The following TRIP12 variants were observed in gnomAD, a reference collection of about 807,000 sequenced individuals.
TRIP12 encodes the protein E3 ubiquitin-protein ligase TRIP12.
In TRIP12, 25 loss-of-function variants were observed where a neutral mutation model predicts 244.2. The observed-to-expected ratio is 0.10, with a 90% CI of 0.07 to 0.14. TRIP12 has a LOEUF of 0.14. TRIP12 is among the 10% of genes least tolerant of loss of function. The pLI is 1.00. For missense variants in TRIP12, 1,677 were observed against 2,486.4 expected, an observed-to-expected ratio of 0.67 and a Z score of 6.92; for synonymous variants, 905 against 873.1, an observed-to-expected ratio of 1.04 and a Z score of -0.64.
At position 229,847,173 on chromosome 2, in the gene TRIP12, C is replaced by A. The variant is rs76956182; in HGVS notation, c.1028-6246G>T. On this transcript the variant is annotated intron_variant, in intron 4 of 41. Transcript: ENST00000675903. ...ATACTTAATTAGGGTACATCCATAT[C>A]TAGCCATTACGAATGATGTAATTTA... is the stretch of plus-strand genomic sequence containing the variant. Among the ~76,000 whole-genome samples the A allele has an allele frequency of 2.3e-3, 355 of 152,186 alleles. 1 individual carries two copies. The highest frequency in any genetic ancestry group is 7.9e-3 in the African/African-American group (329 of 41,516).
chr2:229,834,535 A>C (rs1478097600), intron 6 of TRIP12, among the ~76,000 whole-genome samples: 1 of 152,190 alleles, frequency 6.6e-6, no homozygotes, highest in East Asian at 1.9e-4. Context: ...CAAGGTGGGC[A>C]GATCACTTGA....
chr2:229,904,323 C>A (rs1166157931), intron 1 of TRIP12, among the ~76,000 whole-genome samples: 1 of 143,914 alleles, frequency 6.9e-6, no homozygotes, highest in African/African-American at 2.6e-5. Flanking sequence ...AAGGCTGAGG[C>A]AGGAGAATCG....
At chr2:229,818,300 G>A (rs904845946) in intron 9 of TRIP12, 64 bp downstream of exon 9, 1 of 1,522,202 alleles carries the variant, frequency 6.6e-7, no homozygotes, top group Admixed American at 1.8e-5. Context: ...CATACATTCA[G>A]TACAAAATCG....
Position 229,830,775 on chromosome 2 carries a change from G to T in TRIP12, c.1335C>A (p.Ser445=). The change falls in exon 7 of 42, where the codon TCC becomes TCA. Residue 445 remains serine, a synonymous_variant. Coordinates refer to ENST00000675903, the MANE Select transcript of TRIP12 (RefSeq NM_001348323.3). ...TTTTACCTTGCAAACGTCCCATCTC[G>T]GAATCATCTGATTCACTCTCCCCAG... is the stretch of plus-strand genomic sequence containing the variant. ...TTSGESESDD[S]EMGRLQALLE... is the part of the protein sequence containing the mutation. 6.2e-7 allele frequency: 1 copy of T among 1,613,942 alleles called. No homozygotes were observed. Among genetic ancestry groups the T allele is most frequent in the Non-Finnish European group, 8.5e-7 (1 of 1,179,938 alleles).
In TRIP12 at chr2:229,851,654, C is replaced by T. The variant is rs139309153; in HGVS notation, c.1027+7118G>A. ...TGCTTTTATGAGCTATAACACTCAC[C>T]GCGAAGATCTGCAGCTTCACTCCTG... is the stretch of plus-strand genomic sequence containing the variant. On this transcript the variant is annotated intron_variant, in intron 4 of 41. Coordinates refer to ENST00000675903, the MANE Select transcript of TRIP12 (RefSeq NM_001348323.3). 4.9e-4 allele frequency among the ~76,000 whole-genome samples: 74 copies of T among 152,268 alleles called. 1 individual carries two copies. In the South Asian group the frequency reaches 8.3e-3, roughly 17 times the overall value.
chr2:229,794,960 G>T, intron 26 of TRIP12: 1 of 383,008 alleles, frequency 2.6e-6, no homozygotes, highest in Non-Finnish European at 4.5e-6. Flanking sequence ...ACAATCACTG[G>T]ATTATATATT....
At chr2:229,842,009 T>C (rs2056534107) in intron 4 of TRIP12, among the ~76,000 whole-genome samples, 1 of 152,200 alleles carries the variant, frequency 6.6e-6, no homozygotes, top group African/African-American at 2.4e-5. Flanking sequence ...AGTTGCTAAG[T>C]GAAAAATCAA....
chr2:229,815,376 C>G, intron 9 of TRIP12, 68 bp from the exon 10 acceptor site: 1 of 925,294 alleles, frequency 1.1e-6, no homozygotes, highest in South Asian at 1.7e-5. Context: ...ATTTCTTCCT[C>G]TTCTATTTGA....
intron 1 of TRIP12, among the ~76,000 whole-genome samples, chr2:229,900,368 G>A (rs879847056): frequency 6.6e-6 from 1 of 152,140 alleles, no homozygotes; most frequent in African/African-American, 2.4e-5. Flanking sequence ...TCTAGTTAAC[G>A]AGATGTTTAA....
intron 1 of TRIP12, among the ~76,000 whole-genome samples, chr2:229,908,977 C>CT (rs2073654849): frequency 6.7e-6 from 1 of 149,364 alleles, no homozygotes; most frequent in South Asian, 2.1e-4. Context: ...GTGGTCCCAG[C>CT]TACTGAGGAG....
chr2:229,803,347 C>T (rs1575221139), intron 20 of TRIP12, among the ~76,000 whole-genome samples: 1 of 152,172 alleles, frequency 6.6e-6, no homozygotes, highest in Admixed American at 6.5e-5. Flanking sequence ...CTCCTGACCT[C>T]AAGTGATCCA....
chr2:229,909,733 G>C (rs775182429), intron 1 of TRIP12, among the ~76,000 whole-genome samples: 24 of 151,872 alleles, frequency 1.6e-4, no homozygotes, highest in Non-Finnish European at 3.2e-4. Flanking sequence ...TGAGCCTGTA[G>C]TCTCAGCTAC....
intron 39 of TRIP12, 65 bp from the exon 40 acceptor site, chr2:229,769,390 A>G: frequency 6.7e-7 from 1 of 1,486,776 alleles, no homozygotes; most frequent in Non-Finnish European, 9.4e-7. Flanking sequence ...AGTGAAAATA[A>G]AGGTCTACGT....
chr2:229,797,676 A>G lies in TRIP12; in HGVS notation c.3624+14T>C. ...AGACTGAAAAAGACCAGCAAAATGCACTGGACACAGCACCTGGAGGTTGAG... is the reference window on the plus strand; with the variant it reads ...AGACTGAAAAAGACCAGCAAAATGCGCTGGACACAGCACCTGGAGGTTGAG... On this transcript the variant is annotated intron_variant, in intron 24 of 41. Transcript: ENST00000675903. 1 of 1,612,154 alleles carries G rather than the reference A, an allele frequency of 6.2e-7. No homozygotes were observed. The highest frequency in any genetic ancestry group is 8.5e-7 in the Non-Finnish European group (1 of 1,179,204).
Position 229,767,388 on chromosome 2 carries a change from G to C in TRIP12, c.*166C>G. ...AGGGCCTGATCACTTTAAGTCCATG[G>C]GGCCATTAATGAATATCAACCAAAT... On this transcript the variant is annotated 3_prime_UTR_variant, in exon 42 of 42. Transcript: ENST00000675903. 1.4e-6 allele frequency: 1 copy of C among 690,606 alleles called. No homozygotes were observed. The highest frequency in any genetic ancestry group is 2.2e-6 in the Non-Finnish European group (1 of 459,708). The allele number at this position is 690,606 out of a possible 1,614,324, so 42.8% of individuals were successfully genotyped here. A position where few individuals can be genotyped will look rare whatever the true frequency, so the allele number is the denominator to read the frequency against.
intron 37 of TRIP12, among the ~76,000 whole-genome samples, chr2:229,774,879 C>T (rs1312620026): frequency 6.6e-6 from 1 of 150,902 alleles, no homozygotes; most frequent in Non-Finnish European, 1.5e-5. Context: ...GCAAGCAATA[C>T]TTTATAAGAC....
chr2:229,917,616 T>C (rs1389303087), intron 1 of TRIP12, among the ~76,000 whole-genome samples: 1 of 151,946 alleles, frequency 6.6e-6, no homozygotes, highest in African/African-American at 2.4e-5. Flanking sequence ...TGACAGTTGA[T>C]ATCCATCCAG....
chr2:229,824,270 A>C (rs73099298), intron 8 of TRIP12, among the ~76,000 whole-genome samples: 21,781 of 152,266 alleles, frequency 0.14, 1,633 homozygotes, highest in Admixed American at 0.2. Context: ...AAAAAAAGTT[A>C]ATATTAGAGA....
At chr2:229,849,699 C>CA (rs1170387804) in intron 4 of TRIP12, among the ~76,000 whole-genome samples, 313 of 147,970 alleles carry the variant, frequency 2.1e-3, no homozygotes, top group African/African-American at 7.1e-3. Flanking sequence ...CTCATCTCTA[C>CA]AAAAAAAAAA....
Sources: allele counts gnomAD v4.1 joint callset (sites outside exome capture counted in the v4.1 genomes callset), GRCh38; gene constraint gnomAD v4.1.1; transcripts MANE v1.5; gene names NCBI Gene and HGNC (gene_info 2026-07-23, HGNC 2026-07-21).